The following TAF4B variants were observed in gnomAD, a reference collection of about 807,000 sequenced individuals.
TAF4B encodes the protein transcription initiation factor TFIID subunit 4B.
Under a neutral mutation model 86.4 loss-of-function variants are expected in TAF4B, and 38 were observed. The observed-to-expected ratio is 0.44, with a 90% CI of 0.34 to 0.58. The LOEUF (loss-of-function observed/expected upper bound fraction) is 0.58. Ranked by LOEUF, TAF4B falls within the 20% of genes least tolerant of loss-of-function variation. TAF4B has a pLI of 0.02. For synonymous variants in TAF4B, 388 were observed against 391.2 expected (o/e 0.99, Z 0.10); for missense variants, 988 against 1,027.6 (o/e 0.96, Z 0.53).
chr18:26,374,229 T>G (rs1239303258), intron 14 of TAF4B, among the ~76,000 whole-genome samples: 1 of 152,230 alleles, frequency 6.6e-6, no homozygotes, highest in African/African-American at 2.4e-5. Context: ...TCACTTTAAT[T>G]ATAGTTAGCC....
chr18:26,290,694 A>G (rs116626705), intron 7 of TAF4B, among the ~76,000 whole-genome samples: 2,962 of 152,256 alleles, frequency 0.019, 85 homozygotes, highest in African/African-American at 0.068. Flanking sequence ...TTTTCTTTCA[A>G]ACACGAGTGA....
At chr18:26,261,247 TCTCGGCTCACTGCC>T (rs2056162288) in intron 1 of TAF4B, among the ~76,000 whole-genome samples, 5 of 130,310 alleles carry the variant, frequency 3.8e-5, no homozygotes, top group African/African-American at 1.1e-4. Flanking sequence ...AGTGGCGGGA[TCTCGGCTCACTGCC>T]GGGATCTCGG....
At chr18:26,295,073 A>C (rs1056880974) in intron 9 of TAF4B, 1 of 162,872 alleles carries the variant, frequency 6.1e-6, no homozygotes, top group Non-Finnish European at 1.3e-5. Flanking sequence ...TTAAATATAT[A>C]TAATATATAT....
At chr18:26,361,362 C>CCTTG (rs2057328418) in intron 14 of TAF4B, among the ~76,000 whole-genome samples, 1 of 149,778 alleles carries the variant, frequency 6.7e-6, no homozygotes, top group Non-Finnish European at 1.5e-5. Flanking sequence ...TGGCCTCAAG[C>CCTTG]AGTCCTCCCA....
intron 14 of TAF4B, among the ~76,000 whole-genome samples, chr18:26,384,181 T>G (rs1345212577): frequency 6.6e-6 from 1 of 152,196 alleles, no homozygotes; most frequent in Non-Finnish European, 1.5e-5. Flanking sequence ...GGTTGGGACT[T>G]AGTGTAAATC....
chr18:26,261,204 C>T (rs1188650357), intron 1 of TAF4B, among the ~76,000 whole-genome samples: 3 of 96,848 alleles, frequency 3.1e-5, no homozygotes, highest in South Asian at 3.6e-4. Context: ...TTTTTTGAGA[C>T]GGAGTCTCGC....
chr18:26,369,062 AAG>A (rs2057390204), intron 14 of TAF4B, among the ~76,000 whole-genome samples: 1 of 152,174 alleles, frequency 6.6e-6, no homozygotes, highest in Non-Finnish European at 1.5e-5. Flanking sequence ...TAACTAGCCT[AAG>A]AGAGGAAAGA....
intron 5 of TAF4B, among the ~76,000 whole-genome samples, chr18:26,277,454 T>C (rs1281154532): frequency 6.6e-6 from 1 of 152,188 alleles, no homozygotes; most frequent in Non-Finnish European, 1.5e-5. Context: ...AAAACCGAGT[T>C]TCAAAACAAC....
intron 7 of TAF4B, 138 bp from the exon 8 acceptor site, chr18:26,292,108 A>C: frequency 1.1e-6 from 1 of 910,360 alleles, no homozygotes; most frequent in South Asian, 2.7e-5. Context: ...GCTTCATACA[A>C]ATTTAAAGTA....
chr18:26,328,002 G>A (rs919721047), intron 12 of TAF4B, among the ~76,000 whole-genome samples: 3 of 152,136 alleles, frequency 2.0e-5, no homozygotes, highest in African/African-American at 2.4e-5. Context: ...ACATTTCTTC[G>A]TAGGCTTTGG....
At chr18:26,259,851 A>T (rs1399581937) in intron 1 of TAF4B, among the ~76,000 whole-genome samples, 1 of 143,572 alleles carries the variant, frequency 7.0e-6, no homozygotes, top group Non-Finnish European at 1.6e-5. Flanking sequence ...TCCTTGAGGA[A>T]TTGCCACACT....
chr18:26,256,590 G>T (rs906371080), intron 1 of TAF4B, among the ~76,000 whole-genome samples: 1 of 151,778 alleles, frequency 6.6e-6, no homozygotes, highest in African/African-American at 2.4e-5. Context: ...GTGTCTTAAG[G>T]TAAAAGGTTG....
intron 6 of TAF4B, among the ~76,000 whole-genome samples, chr18:26,284,567 A>G (rs991066174): frequency 9.9e-5 from 15 of 152,182 alleles, no homozygotes; most frequent in African/African-American, 3.6e-4. Flanking sequence ...GGATACAAAG[A>G]TAGATGCTGA....
At chr18:26,238,857 G>T (rs542097595) in intron 1 of TAF4B, among the ~76,000 whole-genome samples, 21 of 152,242 alleles carry the variant, frequency 1.4e-4, no homozygotes, top group African/African-American at 4.8e-4. Context: ...TTCAGTCCTT[G>T]CAGTAGATTG....
Position 26,315,396 on chromosome 18 carries a change from T to C in TAF4B, c.2000T>C (p.Ile667Thr), listed in dbSNP as rs1263793908. Residue 667 changes from isoleucine to threonine, a missense_variant and splice_region_variant, in exon 10 of 15, where the codon ATT becomes ACT. Physicochemically the swap from Ile to Thr is moderately conservative, Grantham distance 89 (BLOSUM62 -1). Coordinates refer to ENST00000269142, the MANE Select transcript of TAF4B (RefSeq NM_005640.3). ...GCTCTACAAAAGAGAATTTTAGACA[T>C]TGGTAAGTGTAGAGTTATGATTATT... ...IGALQKRILDIGKKHDITELN... is the reference protein window; with the variant it reads ...IGALQKRILDTGKKHDITELN... The C allele has an allele frequency of 1.9e-6, 3 of 1,610,464 alleles. No homozygotes were observed. The Admixed American group carries it at 5.0e-5, about 27-fold the overall frequency.
At chr18:26,250,326 T>C (rs950395710) in intron 1 of TAF4B, among the ~76,000 whole-genome samples, 1 of 152,014 alleles carries the variant, frequency 6.6e-6, no homozygotes, top group African/African-American at 2.4e-5. Context: ...TGAAACCCTG[T>C]CTCTACTACA....
intron 13 of TAF4B, among the ~76,000 whole-genome samples, chr18:26,356,573 A>C (rs1265261281): frequency 6.6e-6 from 1 of 152,126 alleles, no homozygotes; most frequent in South Asian, 2.1e-4. Flanking sequence ...GAATATTCTC[A>C]GTACATGTAT....
chr18:26,267,933 T>C (rs986166207), intron 3 of TAF4B, among the ~76,000 whole-genome samples: 13 of 152,124 alleles, frequency 8.5e-5, no homozygotes, highest in Non-Finnish European at 1.8e-4. Context: ...TAAATACCCA[T>C]GGAAGGAAAG....
chr18:26,255,814 C>G, intron 1 of TAF4B: 1 of 1,456,142 alleles, frequency 6.9e-7, no homozygotes, highest in Non-Finnish European at 9.6e-7. Flanking sequence ...AGAACTTCCC[C>G]AAAACGGCCT....
Sources: gnomAD v4.1 joint callset for allele counts (sites outside exome capture counted in the v4.1 genomes callset) on GRCh38, gnomAD v4.1.1 for gene constraint, MANE v1.5 for transcripts, NCBI Gene and HGNC (gene_info 2026-07-23, HGNC 2026-07-21) for gene names.